Variants in ABHD2 observed in about 807,000 individuals in gnomAD.
ABHD2 encodes the protein abhydrolase domain containing 2, acylglycerol lipase, also known as monoacylglycerol lipase ABHD2.
A neutral mutation model predicts 48.1 loss-of-function variants in ABHD2; 20 were observed. That is an observed-to-expected ratio of 0.42 (90% CI 0.29 to 0.60). The LOEUF is 0.60. ABHD2 is among the 20% of genes least tolerant of loss of function. The pLI, the probability that ABHD2 is intolerant of heterozygous loss-of-function variation, is 0.24. For missense variants in ABHD2, 405 were observed against 550.9 expected, an observed-to-expected ratio of 0.74 and a Z score of 2.65; for synonymous variants, 209 against 214.2, an observed-to-expected ratio of 0.98 and a Z score of 0.21.
the ABHD2 span, among the ~76,000 whole-genome samples, chr15:89,072,597 GA>G: frequency 7.0e-6 from 1 of 142,168 alleles, no homozygotes; most frequent in African/African-American, 2.6e-5. Context: ...AAGGAGAGGG[GA>G]GGGGAGGGAA....
chr15:89,123,871 G>A (rs1214921038), intron 3 of ABHD2, among the ~76,000 whole-genome samples: 2 of 152,062 alleles, frequency 1.3e-5, no homozygotes, highest in Admixed American at 6.6e-5. Context: ...GCCTCCCAAA[G>A]TGCTGGGGTT....
Position 89,130,594 on chromosome 15 carries a change from A to G in ABHD2, c.194+14073A>G, listed in dbSNP as rs151228204. On this transcript the variant is annotated intron_variant, in intron 3 of 10. Coordinates refer to ENST00000352732, the MANE Select transcript of ABHD2 (RefSeq NM_152924.5). Reference sequence around the variant, plus strand: ...CATGGCTTTAGGCTGCTAAAAGCCTACAAAAGAAACAGAACAATAACAACA... The same window carrying G: ...CATGGCTTTAGGCTGCTAAAAGCCTGCAAAAGAAACAGAACAATAACAACA... 2.6e-5 allele frequency among the ~76,000 whole-genome samples: 4 copies of G among 152,312 alleles called. No individual in the cohort carries two copies. The East Asian group carries it at 7.7e-4, about 29-fold the overall frequency.
intron 5 of ABHD2, among the ~76,000 whole-genome samples, chr15:89,170,168 C>T (rs1304922372): frequency 7.8e-6 from 1 of 128,530 alleles, no homozygotes; most frequent in Non-Finnish European, 1.6e-5. Context: ...ACAATCTTGG[C>T]TCACTGCAAC....
Position 89,116,618 on chromosome 15 carries a change from C to A in ABHD2, c.194+97C>A. ...AACTTCTCTCATCGTGTCCTTAAGG[C>A]ATCAATGGGATATGACGTCACTGGT... On this transcript the variant is annotated intron_variant, in intron 3 of 10. Transcript: ENST00000352732. The surrounding 1 kb of genome is among the most constrained non-coding windows in gnomAD (Gnocchi z 4.6). 1 of 1,316,710 alleles carries A rather than the reference C, an allele frequency of 7.6e-7. No homozygotes were observed. Among genetic ancestry groups the A allele is most frequent in the Non-Finnish European group, 1.0e-6 (1 of 954,786 alleles). 81.6% of individuals were successfully genotyped at this position (1,316,710 alleles called of 1,614,324 possible). A position where few individuals can be genotyped will look rare whatever the true frequency, so the allele number is the denominator to read the frequency against.
Position 89,185,452 on chromosome 15 carries a change from C to A in ABHD2, c.751C>A (p.Gln251Lys). ...CCAGGAAACCTTCATGCAATGGGAT[C>A]AGTGCCGGCGGTTCTACAACTTCCT... is the stretch of plus-strand genomic sequence containing the variant. ...RAQETFMQWD[Q>K]CRRFYNFLMA... Residue 251 changes from glutamine to lysine, a missense_variant, in exon 7 of 11, where the codon CAG (glutamine) becomes AAG (lysine). Transcript: ENST00000352732. The surrounding 1 kb of genome is among the most constrained non-coding windows in gnomAD (Gnocchi z 5.9). 1 of 1,614,204 alleles carries A rather than the reference C, an allele frequency of 6.2e-7. No individual in the cohort carries two copies. The highest frequency in any genetic ancestry group is 2.2e-5 in the East Asian group (1 of 44,882).
chr15:89,085,143 G>C (rs1170264809), upstream of ABHD2, among the ~76,000 whole-genome samples: 1 of 152,180 alleles, frequency 6.6e-6, no homozygotes, highest in African/African-American at 2.4e-5. The surrounding 1 kb of genome is among the most constrained non-coding windows in gnomAD (Gnocchi z 4.2). Flanking sequence ...AGAGGCCCCA[G>C]TTGAGTTAGA....
chr15:89,057,469 C>T, the ABHD2 span, among the ~76,000 whole-genome samples: 1 of 152,140 alleles, frequency 6.6e-6, no homozygotes, highest in African/African-American at 2.4e-5. Flanking sequence ...TCTGGAACTC[C>T]AAGGATTGAT....
the ABHD2 span, among the ~76,000 whole-genome samples, chr15:89,051,899 A>G: frequency 6.6e-6 from 1 of 152,166 alleles, no homozygotes; most frequent in Non-Finnish European, 1.5e-5. Context: ...GGGTACATAT[A>G]GGGGAGGTGG....
rs1340050074 is a variant in ABHD2 at position 89,176,343 on chromosome 15, G to A, written c.722+348G>A. ...AACGTGGATTAATGAAAGAGCACAGGAGACTGGCAAGCTGGGATCTGAAAG... is the reference window on the plus strand; with the variant it reads ...AACGTGGATTAATGAAAGAGCACAGAAGACTGGCAAGCTGGGATCTGAAAG... On this transcript the variant is annotated intron_variant, in intron 6 of 10. Transcript: ENST00000352732. The surrounding 1 kb of genome is among the most constrained non-coding windows in gnomAD (Gnocchi z 4.5). 6.6e-6 allele frequency among the ~76,000 whole-genome samples: 1 copy of A among 152,190 alleles called. No homozygotes were observed. Among genetic ancestry groups the A allele is most frequent in the African/African-American group, 2.4e-5 (1 of 41,444 alleles).
the ABHD2 span, among the ~76,000 whole-genome samples, chr15:89,057,756 TTAA>T: frequency 6.6e-6 from 1 of 151,586 alleles, no homozygotes; most frequent in East Asian, 1.9e-4. Flanking sequence ...AAACCCGCTA[TTAA>T]TAAGAAGGAA....
intron 1 of ABHD2, among the ~76,000 whole-genome samples, chr15:89,109,966 C>T (rs1355318585): frequency 1.3e-5 from 2 of 152,222 alleles, no homozygotes; most frequent in Non-Finnish European, 2.9e-5. Flanking sequence ...CTCCTATATA[C>T]ATTAAATCAT....
intron 10 of ABHD2, 194 bp downstream of exon 10, chr15:89,193,513 G>C (rs1023540037): frequency 1.7e-6 from 1 of 602,880 alleles, no homozygotes; most frequent in Non-Finnish European, 3.0e-6. Flanking sequence ...GGCCTCCCTC[G>C]TGTTCCTCCC....
At chr15:89,115,008 G>A (rs2049932741) in intron 2 of ABHD2, among the ~76,000 whole-genome samples, 1 of 152,206 alleles carries the variant, frequency 6.6e-6, no homozygotes, top group Non-Finnish European at 1.5e-5. Flanking sequence ...CTCGAGTTTA[G>A]AAAAGGGTTT....
chr15:89,043,445 AAGG>A, the ABHD2 span, among the ~76,000 whole-genome samples: 11 of 127,858 alleles, frequency 8.6e-5, no homozygotes, highest in African/African-American at 2.6e-4. Flanking sequence ...GAAGAAGAAG[AAGG>A]AGGAGGAGGA....
the ABHD2 span, among the ~76,000 whole-genome samples, chr15:89,064,663 A>G: frequency 1.3e-5 from 2 of 152,148 alleles, no homozygotes; most frequent in African/African-American, 4.8e-5. Flanking sequence ...TTTAATGACT[A>G]TTTGGTATAT....
rs28735246 is a variant in ABHD2, at chr15:89,175,442, G to T, written c.539-370G>T. 0.11 allele frequency among the ~76,000 whole-genome samples: 16,903 copies of T among 152,188 alleles called. 1,082 individuals are homozygous for T. The highest frequency in any genetic ancestry group is 0.18 in the South Asian group (864 of 4,822). On this transcript the variant is annotated intron_variant, in intron 5 of 10. Transcript: ENST00000352732. The surrounding 1 kb of genome is among the most constrained non-coding windows in gnomAD (Gnocchi z 5.7). Reference sequence around the variant, plus strand: ...TGGCCTAGCTTTTATTTAGGTCTGTGTGTGAGCATATGTGCTCATGCACAC... The same window carrying T: ...TGGCCTAGCTTTTATTTAGGTCTGTTTGTGAGCATATGTGCTCATGCACAC...
At chr15:89,051,314 A>T in the ABHD2 span, among the ~76,000 whole-genome samples, 1 of 152,146 alleles carries the variant, frequency 6.6e-6, no homozygotes, top group East Asian at 1.9e-4. Flanking sequence ...TATATACCTC[A>T]TACTCTTCCT....
At chr15:89,192,053 C>T (rs1421893489) in intron 9 of ABHD2, among the ~76,000 whole-genome samples, 1 of 152,226 alleles carries the variant, frequency 6.6e-6, no homozygotes, top group Non-Finnish European at 1.5e-5. Context: ...GAATGACCAA[C>T]AAGCCAGTCC....
At chr15:89,083,686 T>C (rs1901314170), upstream of ABHD2, among the ~76,000 whole-genome samples, 1 of 152,212 alleles carries the variant, frequency 6.6e-6, no homozygotes, top group Non-Finnish European at 1.5e-5. The surrounding 1 kb of genome is among the most constrained non-coding windows in gnomAD (Gnocchi z 5.1). Context: ...ATGATTTTAC[T>C]ATAGACAACT....
Sources: gnomAD v4.1 joint callset for allele counts (sites outside exome capture counted in the v4.1 genomes callset) on GRCh38, gnomAD v4.1.1 for gene constraint, Gnocchi (gnomAD v3.1) non-coding constraint, MANE v1.5 for transcripts, NCBI Gene and HGNC (gene_info 2026-07-23, HGNC 2026-07-21) for gene names.